Variants in TMCC1 observed in about 807,000 individuals in gnomAD.
The protein encoded by TMCC1 is transmembrane and coiled-coil domain family 1.
TMCC1 carries 15 observed loss-of-function variants against 52.4 expected under a neutral mutation model. The observed-to-expected ratio is 0.29, with a 90% CI of 0.19 to 0.44. The LOEUF is 0.44. Among genes scored for constraint, TMCC1 ranks in the 20% least tolerant of loss-of-function variants. TMCC1 has a pLI of 1.00. For missense variants in TMCC1, 503 were observed against 806.0 expected (o/e 0.62, Z 4.55); for synonymous variants, 279 against 301.9 (o/e 0.92, Z 0.79).
chr3:129,838,970 T>C (rs2059299065), intron 2 of TMCC1, among the ~76,000 whole-genome samples: 1 of 152,054 alleles, frequency 6.6e-6, no homozygotes, highest in Admixed American at 6.6e-5. Context: ...TCCAGTATTC[T>C]ACATCCAGTG....
At chr3:129,723,048 T>G (rs1471996111) in intron 4 of TMCC1, among the ~76,000 whole-genome samples, 1 of 152,202 alleles carries the variant, frequency 6.6e-6, no homozygotes, top group East Asian at 1.9e-4. Flanking sequence ...GCTTTAGTAT[T>G]TATCTCTTAG....
intron 4 of TMCC1, among the ~76,000 whole-genome samples, chr3:129,710,111 G>A (rs1339454830): frequency 1.3e-5 from 2 of 152,016 alleles, no homozygotes; most frequent in African/African-American, 2.4e-5. Context: ...TCTTGAACCC[G>A]GGAGGTGGAG....
chr3:129,842,988 G>A (rs1085070), intron 2 of TMCC1, among the ~76,000 whole-genome samples: 131,837 of 152,178 alleles, frequency 0.87, 57,796 homozygotes, highest in East Asian at 1. Flanking sequence ...TCTTATAAAA[G>A]AAGACCTAAA....
At chr3:129,760,153 T>C (rs2053407926) in intron 4 of TMCC1, among the ~76,000 whole-genome samples, 1 of 152,196 alleles carries the variant, frequency 6.6e-6, no homozygotes, top group African/African-American at 2.4e-5. Flanking sequence ...CATTAACATC[T>C]TCCAATGGTG....
Position 129,769,818 on chromosome 3 carries a change from T to C in TMCC1, c.576+57985A>G, listed in dbSNP as rs370009106. ...ATTAAACCACACTCCTCAGGGGACA[T>C]AAGCTATACTGATTTAAAGAGCGAA... On this transcript the variant is annotated intron_variant, in intron 4 of 6. Transcript: ENST00000393238. 4.6e-5 allele frequency among the ~76,000 whole-genome samples: 7 copies of C among 152,288 alleles called. No homozygotes were observed. The East Asian group carries it at 1.3e-3, about 29-fold the overall frequency.
intron 4 of TMCC1, among the ~76,000 whole-genome samples, chr3:129,764,905 G>T (rs1482148401): frequency 1.4e-5 from 2 of 144,110 alleles, no homozygotes; most frequent in African/African-American, 5.2e-5. Context: ...GGGCTCAAGT[G>T]ATCCTCCTTC....
chr3:129,856,409 A>G (rs2060148687), intron 2 of TMCC1, among the ~76,000 whole-genome samples: 1 of 152,228 alleles, frequency 6.6e-6, no homozygotes, highest in South Asian at 2.1e-4. Flanking sequence ...AACTCCCAGT[A>G]GTGTCAGAAT....
chr3:129,659,888 A>T (rs1333405775), intron 5 of TMCC1, among the ~76,000 whole-genome samples: 1 of 152,180 alleles, frequency 6.6e-6, no homozygotes, highest in Non-Finnish European at 1.5e-5. Flanking sequence ...ATCCTCTATA[A>T]AGAGGAAATC....
At chr3:129,673,082 C>G (rs1013094566) in intron 4 of TMCC1, among the ~76,000 whole-genome samples, 2 of 152,008 alleles carry the variant, frequency 1.3e-5, no homozygotes, top group African/African-American at 2.4e-5. Context: ...AAATTAATGA[C>G]AAAATAACGT....
intron 4 of TMCC1, among the ~76,000 whole-genome samples, chr3:129,766,584 T>C (rs1401449639): frequency 2.0e-5 from 3 of 152,166 alleles, no homozygotes; most frequent in Non-Finnish European, 2.9e-5. Flanking sequence ...TGTATGACAA[T>C]GCTCACTATT....
chr3:129,801,602 C>T (rs1461593255), intron 4 of TMCC1, among the ~76,000 whole-genome samples: 4 of 152,146 alleles, frequency 2.6e-5, no homozygotes, highest in African/African-American at 9.7e-5. Flanking sequence ...GCTGGGATTA[C>T]AGGCACACAA....
At position 129,828,125 on chromosome 3, in the gene TMCC1, C is replaced by G. The variant is rs745670431; in HGVS notation, c.254G>C (p.Ser85Thr). 2 of 1,614,160 alleles carry G rather than the reference C, an allele frequency of 1.2e-6. No individual in the cohort carries two copies. Among genetic ancestry groups the G allele is most frequent in the Non-Finnish European group, 8.5e-7 (1 of 1,180,018 alleles). ...ATCAATCTCAGCACATGCGTTCTGG[C>G]TTTCCAGATCCATTTCAGGTTCTGG... The part of the protein sequence containing the change: ...ADPEPEMDLE[S>T]QNACAEIDGV... The change falls in exon 4 of 7, where the codon AGC becomes ACC. Residue 85 changes from serine (S) to threonine (T), a missense_variant. By Grantham distance (58) the Ser-to-Thr change is moderately conservative (BLOSUM62 1). Coordinates refer to ENST00000393238, the MANE Select transcript of TMCC1 (RefSeq NM_001017395.5). The surrounding 1 kb of genome is among the most constrained non-coding windows in gnomAD (Gnocchi z 4.1).
rs368982665 is a variant in TMCC1, at chr3:129,795,659, CCA to C, written c.576+32142_576+32143del. 1.1e-4 allele frequency among the ~76,000 whole-genome samples: 17 copies of C among 152,286 alleles called. No homozygotes were observed. The East Asian group carries it at 3.3e-3, about 29-fold the overall frequency. ...GTCCTCCCTTACCTACAGTTTGTTC[CCA>C]CAGTCAACTGCAATCCAAAAATATT... On this transcript the variant is annotated intron_variant, in intron 4 of 6. Coordinates refer to ENST00000393238, the MANE Select transcript of TMCC1 (RefSeq NM_001017395.5).
intron 4 of TMCC1, among the ~76,000 whole-genome samples, chr3:129,732,380 C>T (rs1364354022): frequency 6.6e-6 from 1 of 152,136 alleles, no homozygotes; most frequent in Non-Finnish European, 1.5e-5. Flanking sequence ...CACAGATGCA[C>T]CACCCACCCT....
Position 129,723,291 on chromosome 3 carries a change from T to C in TMCC1, c.577-52027A>G, listed in dbSNP as rs2049779378. ...AGATATGTGTATATTGCTTTACAAT[T>C]CAGAAAATTTCCAAGTCCTTGGGAA... On this transcript the variant is annotated intron_variant, in intron 4 of 6. Transcript: ENST00000393238. Among the ~76,000 whole-genome samples, 3 of 152,002 alleles carry C rather than the reference T, an allele frequency of 2.0e-5. No homozygotes were observed. In the South Asian group the frequency reaches 6.2e-4, roughly 31 times the overall value.
At chr3:129,689,478 C>T (rs1252392524) in intron 4 of TMCC1, among the ~76,000 whole-genome samples, 2 of 152,124 alleles carry the variant, frequency 1.3e-5, no homozygotes, top group Non-Finnish European at 2.9e-5. Flanking sequence ...TAATATTTCT[C>T]TGAGGTTAAC....
At chr3:129,787,187 G>T (rs1014512434) in intron 4 of TMCC1, among the ~76,000 whole-genome samples, 5 of 152,162 alleles carry the variant, frequency 3.3e-5, no homozygotes, top group Non-Finnish European at 7.4e-5. Context: ...TCAGAGAGGT[G>T]AAATGACTTA....
intron 4 of TMCC1, among the ~76,000 whole-genome samples, chr3:129,800,925 ATT>A (rs11394617): frequency 7.6e-5 from 9 of 117,940 alleles, no homozygotes; most frequent in Admixed American, 3.0e-4. Flanking sequence ...ATCTCACACT[ATT>A]TTTTTTTTTT....
chr3:129,737,780 T>G (rs1431447303), intron 4 of TMCC1, among the ~76,000 whole-genome samples: 2 of 152,162 alleles, frequency 1.3e-5, no homozygotes, highest in African/African-American at 2.4e-5. Flanking sequence ...TACAATGCCA[T>G]TCTCACACCT....
Sources: allele counts gnomAD v4.1 joint callset (sites outside exome capture counted in the v4.1 genomes callset), GRCh38; gene constraint gnomAD v4.1.1; non-coding constraint Gnocchi (gnomAD v3.1); transcripts MANE v1.5; gene names NCBI Gene and HGNC (gene_info 2026-07-23, HGNC 2026-07-21).